Variants in ERC1 observed in about 807,000 individuals in gnomAD.
ERC1 encodes the protein RAB6 interacting protein 2.
ERC1 carries 56 observed loss-of-function variants against 132.0 expected under a neutral mutation model. The observed-to-expected ratio is 0.42, with a 90% CI of 0.34 to 0.53. The LOEUF is 0.53. ERC1 is among the 20% of genes least tolerant of loss of function. The pLI, the probability that ERC1 is intolerant of heterozygous loss-of-function variation, is 0.03. For missense variants in ERC1, 1,202 were observed against 1,349.9 expected (o/e 0.89, Z 1.72); for synonymous variants, 478 against 476.1 (o/e 1.00, Z -0.05).
In ERC1 at chr12:1,394,028, AAAAAACAAAAAAAAAACCAC is replaced by A. The variant is rs1416681241; in HGVS notation, c.2926-14117_2926-14098del. 2.8e-3 allele frequency among the ~76,000 whole-genome samples: 330 copies of A among 119,562 alleles called. 16 individuals carry two copies. The highest frequency in any genetic ancestry group is 0.011 in the African/African-American group (317 of 28,890). The allele number at this position is 119,562 out of a possible 152,430, so 78.4% of individuals were successfully genotyped here. ...GAGACTCCGTCTCAAAAAAAAAAAAAAAAAACAAAAAAAAAACCACAAAGCATTAAGCAATTTAATTTCTG... is the reference window on the plus strand; with the variant it reads ...GAGACTCCGTCTCAAAAAAAAAAAAAAAAGCATTAAGCAATTTAATTTCTG... On this transcript the variant is annotated intron_variant, in intron 16 of 18. Coordinates refer to ENST00000360905, the MANE Select transcript of ERC1 (RefSeq NM_178040.4).
At chr12:1,455,831 CAG>C (rs1410598301) in intron 18 of ERC1, among the ~76,000 whole-genome samples, 1 of 152,156 alleles carries the variant, frequency 6.6e-6, no homozygotes, top group Non-Finnish European at 1.5e-5. Flanking sequence ...AGAGGGGTAA[CAG>C]TGAGTTTTAC....
intron 2 of ERC1, among the ~76,000 whole-genome samples, chr12:1,065,092 C>T (rs1430992881): frequency 6.6e-6 from 1 of 152,152 alleles, no homozygotes; most frequent in Non-Finnish European, 1.5e-5. Context: ...CCTCCGCCTC[C>T]TGGGTTCAAG....
At chr12:1,144,778 T>A (rs1950200465) in intron 8 of ERC1, among the ~76,000 whole-genome samples, 1 of 151,796 alleles carries the variant, frequency 6.6e-6, no homozygotes, top group Non-Finnish European at 1.5e-5. Context: ...GTCTTTTTCG[T>A]ATAATGCCTT....
At chr12:1,197,806 G>T (rs1008158571) in intron 12 of ERC1, among the ~76,000 whole-genome samples, 1 of 152,212 alleles carries the variant, frequency 6.6e-6, no homozygotes, top group Non-Finnish European at 1.5e-5. Context: ...CTACTGGAAG[G>T]TATCACTTAA....
intron 1 of ERC1, among the ~76,000 whole-genome samples, chr12:1,005,726 T>C (rs1032473500): frequency 6.6e-6 from 1 of 152,130 alleles, no homozygotes; most frequent in Non-Finnish European, 1.5e-5. Context: ...AATAAATTAA[T>C]TGAAAATGGG....
intron 15 of ERC1, among the ~76,000 whole-genome samples, chr12:1,329,787 A>T (rs2154357437): frequency 6.6e-6 from 1 of 152,344 alleles, no homozygotes; most frequent in South Asian, 2.1e-4. Context: ...ATGAAGAAAT[A>T]TTGAGGAGGT....
At chr12:1,433,203 T>G (rs1177681273) in intron 17 of ERC1, among the ~76,000 whole-genome samples, 1 of 152,202 alleles carries the variant, frequency 6.6e-6, no homozygotes. Context: ...ATTAAAAAAT[T>G]TCCTGAGGGA....
At chr12:1,198,029 G>A (rs1956504732) in intron 12 of ERC1, among the ~76,000 whole-genome samples, 1 of 151,884 alleles carries the variant, frequency 6.6e-6, no homozygotes, top group Non-Finnish European at 1.5e-5. Context: ...GGGCTCAGGT[G>A]ATCCGCCCAC....
chr12:1,261,147 G>A lies in ERC1; in HGVS notation c.2488-1887G>A, dbSNP rs541961714. The stretch of plus-strand genomic sequence containing the variant: ...CACAAAGCTATTTTTGCCCCACGCA[G>A]ATGTACAAGTGAAGTTGTTTGCTTG... On this transcript the variant is annotated intron_variant, in intron 13 of 18. Coordinates refer to ENST00000360905, the MANE Select transcript of ERC1 (RefSeq NM_178040.4). 4.6e-5 allele frequency among the ~76,000 whole-genome samples: 7 copies of A among 152,312 alleles called. No homozygotes were observed. The South Asian group carries it at 1.4e-3, about 32-fold the overall frequency.
At chr12:1,456,084 T>C (rs976079626) in intron 18 of ERC1, among the ~76,000 whole-genome samples, 1 of 152,214 alleles carries the variant, frequency 6.6e-6, no homozygotes, top group Non-Finnish European at 1.5e-5. Context: ...CACTGTGCTG[T>C]GTAACACAAT....
At chr12:1,166,945 C>T (rs61914299) in intron 8 of ERC1, among the ~76,000 whole-genome samples, 11,237 of 152,212 alleles carry the variant, frequency 0.074, 590 homozygotes, top group Non-Finnish European at 0.11. Flanking sequence ...ATAATTTTGA[C>T]TCATTAAACA....
intron 14 of ERC1, among the ~76,000 whole-genome samples, chr12:1,286,106 C>T (rs1432169332): frequency 1.3e-5 from 2 of 151,934 alleles, no homozygotes; most frequent in Admixed American, 6.6e-5. Context: ...CCAGCCTGGC[C>T]AACGTGGCAA....
chr12:1,388,012 G>A (rs6489285), intron 16 of ERC1, among the ~76,000 whole-genome samples: 34,010 of 151,992 alleles, frequency 0.22, 7,187 homozygotes, highest in African/African-American at 0.56. Flanking sequence ...GACAGCCTCG[G>A]GGCAGAAGAG....
At position 1,065,808 on chromosome 12, in the gene ERC1, C is replaced by T. The variant is rs530005380; in HGVS notation, c.670-17356C>T. ...TATTGGCTGGATAACGTGCTTTGGC[C>T]GTACAATAGAGTAGTATTCAGCCAT... On this transcript the variant is annotated intron_variant, in intron 2 of 18. Transcript: ENST00000360905. Among the ~76,000 whole-genome samples, 40 of 152,092 alleles carry T rather than the reference C, an allele frequency of 2.6e-4. No individual in the cohort carries two copies. In the South Asian group the frequency reaches 7.5e-3, roughly 28 times the overall value.
intron 12 of ERC1, among the ~76,000 whole-genome samples, chr12:1,215,566 A>G (rs951862248): frequency 7.2e-5 from 11 of 152,096 alleles, no homozygotes; most frequent in African/African-American, 1.2e-4. Flanking sequence ...TTCTTTTATA[A>G]TTATACTATA....
intron 1 of ERC1, among the ~76,000 whole-genome samples, chr12:1,009,725 A>T (rs1373446137): frequency 1.3e-5 from 2 of 152,198 alleles, no homozygotes; most frequent in African/African-American, 4.8e-5. Flanking sequence ...GTTAATTATA[A>T]GCTGCATCCC....
intron 7 of ERC1, among the ~76,000 whole-genome samples, chr12:1,119,348 G>A (rs1447560698): frequency 4.0e-5 from 6 of 151,798 alleles, no homozygotes; most frequent in Non-Finnish European, 1.5e-5. Flanking sequence ...AATCGCTCCC[G>A]TTTTGTAACC....
At chr12:1,317,056 G>A (rs111253829) in intron 15 of ERC1, among the ~76,000 whole-genome samples, 5,241 of 151,946 alleles carry the variant, frequency 0.034, 96 homozygotes, top group Middle Eastern at 0.075. Flanking sequence ...AGCTACTCAG[G>A]AGGCTGAGAC....
intron 17 of ERC1, among the ~76,000 whole-genome samples, chr12:1,438,344 C>T (rs962085788): frequency 1.3e-5 from 2 of 152,148 alleles, no homozygotes; most frequent in African/African-American, 4.8e-5. Context: ...GATAAGAATG[C>T]CATTCTAAGA....
Sources: gnomAD v4.1 joint callset for allele counts (sites outside exome capture counted in the v4.1 genomes callset) on GRCh38, gnomAD v4.1.1 for gene constraint, MANE v1.5 for transcripts, NCBI Gene and HGNC (gene_info 2026-07-23, HGNC 2026-07-21) for gene names.